Variants in LGSN observed in about 807,000 individuals in gnomAD.
LGSN encodes the protein lengsin, lens protein with glutamine synthetase domain.
LGSN carries 21 observed loss-of-function variants against 19.5 expected under a neutral mutation model. That is an observed-to-expected ratio of 1.07 (90% CI 0.76 to 1.55). LGSN has a LOEUF of 1.55. LGSN is among the 40% of genes most tolerant of loss of function. LGSN has a pLI of 0.00. For missense variants in LGSN, 673 were observed against 608.5 expected, an observed-to-expected ratio of 1.11 and a Z score of -1.12; for synonymous variants, 257 against 215.6, an observed-to-expected ratio of 1.19 and a Z score of -1.68.
chr6:63,487,403 C>T, the LGSN span, among the ~76,000 whole-genome samples: 2 of 152,212 alleles, frequency 1.3e-5, no homozygotes, highest in East Asian at 1.9e-4. Flanking sequence ...CAATCGGCTC[C>T]CTGCCCTACA....
the LGSN span, among the ~76,000 whole-genome samples, chr6:63,497,748 CA>C: frequency 0.54 from 82,122 of 151,216 alleles, 24,099 homozygotes; most frequent in African/African-American, 0.77. Context: ...ATGACAACAA[CA>C]AATCATTTTA....
chr6:63,485,401 G>T, the LGSN span, among the ~76,000 whole-genome samples: 1 of 152,154 alleles, frequency 6.6e-6, no homozygotes, highest in Admixed American at 6.5e-5. Context: ...GTTCCATGGT[G>T]ATATGTCCCA....
intron 1 of LGSN, among the ~76,000 whole-genome samples, chr6:63,303,966 T>C (rs968011373): frequency 1.3e-5 from 2 of 152,216 alleles, no homozygotes; most frequent in Non-Finnish European, 2.9e-5. Context: ...GAACAAGACT[T>C]CTCTTCCATC....
At chr6:63,470,692 C>A in the LGSN span, among the ~76,000 whole-genome samples, 2 of 151,904 alleles carry the variant, frequency 1.3e-5, no homozygotes, top group East Asian at 3.9e-4. Context: ...CTTGTTTGTT[C>A]TTGGTTGGGG....
At chr6:63,452,268 A>G in the LGSN span, among the ~76,000 whole-genome samples, 12 of 151,970 alleles carry the variant, frequency 7.9e-5, no homozygotes, top group Non-Finnish European at 1.3e-4. Context: ...TTTATTTTAG[A>G]GACAGGATTG....
chr6:63,571,676 A>C, the LGSN span: 1 of 152,252 alleles, frequency 6.6e-6, no homozygotes, highest in African/African-American at 2.4e-5. Context: ...AGTGAGCAGC[A>C]GTACAAAGGA....
the LGSN span, among the ~76,000 whole-genome samples, chr6:63,470,096 CAGAG>C: frequency 7.6e-4 from 116 of 151,634 alleles, no homozygotes; most frequent in Non-Finnish European, 1.3e-3. Context: ...GAAAGAGAGA[CAGAG>C]GGAGGGAGAG....
At chr6:63,386,799 G>A in the LGSN span, among the ~76,000 whole-genome samples, 1 of 151,982 alleles carries the variant, frequency 6.6e-6, no homozygotes, top group East Asian at 1.9e-4. Flanking sequence ...TCTTTGAAGA[G>A]GTAAATTAAT....
chr6:63,351,416 TGAGA>T, the LGSN span, among the ~76,000 whole-genome samples: 28 of 148,316 alleles, frequency 1.9e-4, no homozygotes, highest in South Asian at 2.6e-3. Flanking sequence ...TCTGTGTGTG[TGAGA>T]GAGAGAGAGA....
the LGSN span, among the ~76,000 whole-genome samples, chr6:63,544,926 A>G: frequency 6.6e-6 from 1 of 152,314 alleles, no homozygotes; most frequent in East Asian, 1.9e-4. Flanking sequence ...CCGAAGAGAT[A>G]CTTTAAAGTT....
chr6:63,390,671 A>G, the LGSN span, among the ~76,000 whole-genome samples: 3 of 151,374 alleles, frequency 2.0e-5, no homozygotes, highest in Non-Finnish European at 2.9e-5. Flanking sequence ...CCTGGCTAAC[A>G]CGGTGAAACC....
At chr6:63,350,255 T>C in the LGSN span, among the ~76,000 whole-genome samples, 1 of 152,260 alleles carries the variant, frequency 6.6e-6, no homozygotes, top group Admixed American at 6.5e-5. Context: ...CTTGATTTCT[T>C]TCATTCTTTC....
the LGSN span, among the ~76,000 whole-genome samples, chr6:63,505,170 C>CT: frequency 0.53 from 76,535 of 143,972 alleles, 21,660 homozygotes; most frequent in African/African-American, 0.76. Context: ...TAGTAACTTG[C>CT]TTTTTTTTTT....
the LGSN span, among the ~76,000 whole-genome samples, chr6:63,460,100 CTTTTTTTTTTTTTTTTTT>C: frequency 2.0e-4 from 11 of 56,098 alleles, no homozygotes; most frequent in African/African-American, 6.2e-4. Flanking sequence ...ATTTCATTCC[CTTTTTTTTTTTTTTTTTT>C]TTTTTTTTTT....
upstream of LGSN, among the ~76,000 whole-genome samples, chr6:63,324,946 A>G (rs1426608699): frequency 6.6e-6 from 1 of 151,958 alleles, no homozygotes; most frequent in African/African-American, 2.4e-5. Context: ...TCCCTACTAA[A>G]AACACAAAAA....
chr6:63,463,163 T>C, the LGSN span, among the ~76,000 whole-genome samples: 16 of 152,340 alleles, frequency 1.1e-4, no homozygotes, highest in African/African-American at 3.6e-4. Flanking sequence ...ATCTCTGTTT[T>C]CCCATCTTTC....
At chr6:63,523,465 C>T in the LGSN span, among the ~76,000 whole-genome samples, 1 of 151,944 alleles carries the variant, frequency 6.6e-6, no homozygotes, top group Non-Finnish European at 1.5e-5. Context: ...GAGCCATGAT[C>T]GTGCCACTGC....
the LGSN span, among the ~76,000 whole-genome samples, chr6:63,429,534 G>C: frequency 1.4e-3 from 220 of 152,136 alleles, no homozygotes; most frequent in African/African-American, 5.0e-3. Flanking sequence ...TCAGGAGTTC[G>C]AGACGAGCCT....
the LGSN span, among the ~76,000 whole-genome samples, chr6:63,514,020 T>C: frequency 6.6e-6 from 1 of 151,584 alleles, no homozygotes; most frequent in South Asian, 2.1e-4. Flanking sequence ...ATTACTTATA[T>C]AAATACAAAT....
Sources: allele counts gnomAD v4.1 joint callset (sites outside exome capture counted in the v4.1 genomes callset), GRCh38; gene constraint gnomAD v4.1.1; transcripts MANE v1.5; gene names NCBI Gene and HGNC (gene_info 2026-07-23, HGNC 2026-07-21).